The following FSTL5 variants were observed in gnomAD, a reference collection of about 807,000 sequenced individuals.
The protein encoded by FSTL5 is follistatin like 5.
A neutral mutation model predicts 89.1 loss-of-function variants in FSTL5; 62 were observed. The observed-to-expected ratio is 0.70, with a 90% CI of 0.57 to 0.86. The LOEUF (loss-of-function observed/expected upper bound fraction) is 0.86, where lower values mean the gene tolerates loss of function less well. Ranked by LOEUF, FSTL5 falls within the 40% of genes least tolerant of loss-of-function variation. The probability of loss-of-function intolerance (pLI) is 0.00; values close to 1 mark genes in which losing one functional copy is unlikely to be tolerated. For synonymous variants in FSTL5, 383 were observed against 346.2 expected (o/e 1.11, Z -1.18); for missense variants, 1,057 against 1,001.6 (o/e 1.06, Z -0.75).
intron 8 of FSTL5, among the ~76,000 whole-genome samples, chr4:161,583,132 C>A (rs1295526529): frequency 6.6e-6 from 1 of 152,042 alleles, no homozygotes. Flanking sequence ...ACCCAGGGGG[C>A]GGAGGTTGCA....
chr4:161,728,336 G>A (rs1480781689), intron 6 of FSTL5, among the ~76,000 whole-genome samples: 1 of 152,062 alleles, frequency 6.6e-6, no homozygotes, highest in Non-Finnish European at 1.5e-5. Flanking sequence ...AGATGGAAAC[G>A]GGGGCATTTG....
chr4:162,161,219 A>G (rs1047823306), intron 1 of FSTL5, among the ~76,000 whole-genome samples: 3 of 151,892 alleles, frequency 2.0e-5, no homozygotes, highest in African/African-American at 7.2e-5. Context: ...TTTTACATGA[A>G]TTCATTGTAA....
chr4:162,151,762 G>C (rs923515007), intron 1 of FSTL5, among the ~76,000 whole-genome samples: 2 of 152,162 alleles, frequency 1.3e-5, no homozygotes, highest in Admixed American at 1.3e-4. Context: ...AAGAGAAACA[G>C]TGTGGCTTCT....
chr4:161,595,561 C>A (rs1733986262), intron 7 of FSTL5, among the ~76,000 whole-genome samples: 1 of 152,038 alleles, frequency 6.6e-6, no homozygotes, highest in African/African-American at 2.4e-5. Flanking sequence ...GAAAGAACAT[C>A]TGTAGCACAT....
At chr4:161,979,066 G>A (rs534012176) in intron 3 of FSTL5, among the ~76,000 whole-genome samples, 1 of 152,226 alleles carries the variant, frequency 6.6e-6, no homozygotes, top group East Asian at 1.9e-4. Context: ...ATTAGATCAA[G>A]CTAATGCATT....
intron 3 of FSTL5, among the ~76,000 whole-genome samples, chr4:161,940,463 C>CTGAG (rs1734549375): frequency 1.3e-5 from 2 of 151,570 alleles, no homozygotes; most frequent in Non-Finnish European, 1.5e-5. Flanking sequence ...AACATCTGCA[C>CTGAG]TGAGCCCAAT....
At chr4:161,803,468 C>T (rs1729862635) in intron 4 of FSTL5, among the ~76,000 whole-genome samples, 1 of 151,844 alleles carries the variant, frequency 6.6e-6, no homozygotes, top group Admixed American at 6.6e-5. Flanking sequence ...CGTAAGTTTG[C>T]ACAAACAGAT....
At chr4:161,744,008 T>C (rs990423756) in intron 6 of FSTL5, among the ~76,000 whole-genome samples, 8 of 152,174 alleles carry the variant, frequency 5.3e-5, no homozygotes, top group African/African-American at 7.2e-5. Context: ...TGCTGACAAG[T>C]TCAGAAACAT....
chr4:161,422,136 G>T (rs1455034150), intron 15 of FSTL5, among the ~76,000 whole-genome samples: 1 of 151,850 alleles, frequency 6.6e-6, no homozygotes, highest in Non-Finnish European at 1.5e-5. Flanking sequence ...ATAGGGTATT[G>T]TATATATGGT....
chr4:161,505,052 A>T (rs62324274), intron 11 of FSTL5, among the ~76,000 whole-genome samples: 22,442 of 152,018 alleles, frequency 0.15, 2,146 homozygotes, highest in East Asian at 0.37. Context: ...AATCAAAGGT[A>T]TTTCAATAAA....
At chr4:161,496,505 A>C (rs958662460) in intron 12 of FSTL5, among the ~76,000 whole-genome samples, 4 of 152,140 alleles carry the variant, frequency 2.6e-5, no homozygotes, top group African/African-American at 9.7e-5. Flanking sequence ...TTTTTCAAAA[A>C]GAAGGAATTC....
At chr4:161,604,903 C>T (rs1734383775) in intron 7 of FSTL5, among the ~76,000 whole-genome samples, 1 of 152,178 alleles carries the variant, frequency 6.6e-6, no homozygotes, top group East Asian at 1.9e-4. Context: ...TTCTCACCCA[C>T]GGTTAAATAG....
intron 4 of FSTL5, among the ~76,000 whole-genome samples, chr4:161,795,470 T>G (rs769214584): frequency 1.3e-5 from 2 of 152,090 alleles, no homozygotes; most frequent in Non-Finnish European, 2.9e-5. Flanking sequence ...AAATGAGATT[T>G]TATTTCCTGT....
At chr4:161,419,657 C>A (rs1349452892) in intron 15 of FSTL5, among the ~76,000 whole-genome samples, 1 of 152,138 alleles carries the variant, frequency 6.6e-6, no homozygotes, top group Non-Finnish European at 1.5e-5. Context: ...CTGGTCAAAA[C>A]TTCCAATGGC....
chr4:161,979,382 G>GTATA (rs1008524240), intron 3 of FSTL5, among the ~76,000 whole-genome samples: 3 of 152,110 alleles, frequency 2.0e-5, no homozygotes, highest in African/African-American at 7.2e-5. Context: ...ACATAAGAGT[G>GTATA]TATAAGACTG....
At chr4:161,932,061 A>T (rs974287284) in intron 3 of FSTL5, among the ~76,000 whole-genome samples, 1 of 151,948 alleles carries the variant, frequency 6.6e-6, no homozygotes, top group African/African-American at 2.4e-5. Flanking sequence ...GTGTAGTGGC[A>T]GTATTTGAAT....
At chr4:161,996,317 C>T (rs1220750161) in intron 3 of FSTL5, among the ~76,000 whole-genome samples, 1 of 152,226 alleles carries the variant, frequency 6.6e-6, no homozygotes, top group Non-Finnish European at 1.5e-5. Context: ...TCTGGCAGAA[C>T]TTGCTTTTCT....
chr4:162,065,343 A>G (rs2111292855), intron 2 of FSTL5, among the ~76,000 whole-genome samples: 1 of 152,100 alleles, frequency 6.6e-6, no homozygotes, highest in African/African-American at 2.4e-5. Context: ...GTAACTCACA[A>G]AACTCAATAG....
intron 14 of FSTL5, 27 bp from the exon 15 acceptor site, chr4:161,455,155 C>T: frequency 6.5e-7 from 1 of 1,546,684 alleles, no homozygotes; most frequent in Non-Finnish European, 8.7e-7. Flanking sequence ...TTGGTTAGAC[C>T]TCAACAATGC....
Sources: allele counts gnomAD v4.1 joint callset (sites outside exome capture counted in the v4.1 genomes callset), GRCh38; gene constraint gnomAD v4.1.1; transcripts MANE v1.5; gene names NCBI Gene and HGNC (gene_info 2026-07-23, HGNC 2026-07-21).